GSN: variants seen among roughly 807,000 people sequenced by gnomAD.
GSN encodes the protein actin-depolymerizing factor.
Under a neutral mutation model 85.7 loss-of-function variants are expected in GSN, and 56 were observed. The ratio of observed to expected loss-of-function variants is 0.65; its 90% confidence interval spans 0.53 to 0.82. GSN has a LOEUF of 0.82. Among genes scored for constraint, GSN ranks in the 40% least tolerant of loss-of-function variants. GSN has a pLI of 0.00. For synonymous variants in GSN, 373 were observed against 399.1 expected (o/e 0.93, Z 0.78); for missense variants, 857 against 979.8 (o/e 0.87, Z 1.67).
intron 5 of GSN, 80 bp from the exon 6 acceptor site, chr9:121,312,259 C>A: frequency 1.3e-6 from 2 of 1,509,190 alleles, no homozygotes; most frequent in Non-Finnish European, 9.2e-7. Context: ...GCACACCACA[C>A]GCCACACTCC....
At chr9:121,250,836 C>A (rs1012769980) in intron 6 of GSN, among the ~76,000 whole-genome samples, 12 of 149,642 alleles carry the variant, frequency 8.0e-5, no homozygotes, top group African/African-American at 2.9e-4. Flanking sequence ...CATGCCCCTC[C>A]AATCCTTCCC....
intron 2 of GSN, among the ~76,000 whole-genome samples, chr9:121,300,996 C>A (rs538159099): frequency 4.9e-4 from 74 of 152,338 alleles, no homozygotes; most frequent in African/African-American, 1.6e-3. Context: ...GGAAATCTTT[C>A]CACTTCCAAA....
chr9:121,277,993 C>T (rs945887064), intron 1 of GSN, among the ~76,000 whole-genome samples: 2 of 151,036 alleles, frequency 1.3e-5, no homozygotes, highest in Non-Finnish European at 2.9e-5. Context: ...ACGGTCTGGC[C>T]CTTTTACAGA....
intron 4 of GSN, among the ~76,000 whole-genome samples, chr9:121,217,111 G>A (rs1214468761): frequency 6.6e-6 from 1 of 152,106 alleles, no homozygotes; most frequent in Non-Finnish European, 1.5e-5. Flanking sequence ...TATAATCCCA[G>A]CACTTTGTGA....
intron 2 of GSN, chr9:121,282,776 A>C: frequency 2.5e-6 from 1 of 401,752 alleles, no homozygotes; most frequent in Non-Finnish European, 4.6e-6. Context: ...CCAAAAGCCA[A>C]GTTGCCTCAA....
At position 121,312,384 on chromosome 9, in the gene GSN, CTG is replaced by C; in HGVS notation, c.560_561del (p.Leu187GlnfsTer24). On this transcript the variant is annotated frameshift_variant, in exon 6 of 18. Transcript: ENST00000432226. LOFTEE classifies it high-confidence loss of function. ...CGSNSNRYER[L>X]KATQVSKGIR... ...TTCCAACAGCAATCGGTATGAAAGACTGAAGGCCACACAGGTGTCCAAGGGCA... is the reference window on the plus strand; with the variant it reads ...TTCCAACAGCAATCGGTATGAAAGACAAGGCCACACAGGTGTCCAAGGGCA... 6.2e-7 allele frequency: 1 copy of C among 1,614,130 alleles called. No individual in the cohort carries two copies. Among genetic ancestry groups the C allele is most frequent in the Non-Finnish European group, 8.5e-7 (1 of 1,179,972 alleles).
chr9:121,204,281 T>G (rs2053848921), upstream of GSN, among the ~76,000 whole-genome samples: 1 of 152,198 alleles, frequency 6.6e-6, no homozygotes, highest in Non-Finnish European at 1.5e-5. Flanking sequence ...GAAAATTGGG[T>G]GGGACTTAAA....
intron 1 of GSN, chr9:121,280,445 GGAGA>G (rs2132569007): frequency 6.6e-6 from 1 of 152,320 alleles, no homozygotes; most frequent in South Asian, 2.1e-4. Context: ...CAGCCTAGAG[GGAGA>G]GAAAGTCCTA....
chr9:121,326,937 C>T (rs1003217544), intron 13 of GSN: 5 of 683,682 alleles, frequency 7.3e-6, no homozygotes, highest in South Asian at 1.6e-5. Context: ...AATCAGCATG[C>T]CATTCCTGAT....
chr9:121,326,894 A>G lies in GSN; in HGVS notation c.1587+212A>G, dbSNP rs145385246. 1,284 of 727,944 alleles carry G rather than the reference A, an allele frequency of 1.8e-3. 6 individuals are homozygous for G. The highest frequency in any genetic ancestry group is 5.1e-3 in the South Asian group (346 of 68,020). 45.1% of individuals were successfully genotyped at this position (727,944 alleles called of 1,614,324 possible). A position where few individuals can be genotyped will look rare whatever the true frequency, so the allele number is the denominator to read the frequency against. ...ACCCAGTGTCCCTTGCACACTTTGC[A>G]CAGTGGACAGCTCACTACCTACCAT... On this transcript the variant is annotated intron_variant, in intron 13 of 17. Coordinates refer to ENST00000432226, the MANE Select transcript of GSN (RefSeq NM_198252.3).
At position 121,302,947 on chromosome 9, in the gene GSN, C is replaced by T. The variant is rs1588966254; in HGVS notation, c.233C>T (p.Ala78Val). Residue 78 changes from alanine to valine, a missense_variant, in exon 4 of 18, where the codon GCC becomes GTC. Physicochemically the swap from Ala to Val is moderately conservative, Grantham distance 64. Transcript: ENST00000432226. ...ECSQDESGAA[A>V]IFTVQLDDYL... ...AGCCAGGATGAGAGCGGGGCGGCCG[C>T]CATCTTTACCGTGCAGCTGGATGAC... 6.2e-7 allele frequency: 1 copy of T among 1,613,902 alleles called. No individual in the cohort carries two copies. Among genetic ancestry groups the T allele is most frequent in the African/African-American group, 1.3e-5 (1 of 74,946 alleles).
At chr9:121,262,260 T>C (rs2132280780) in intron 6 of GSN, among the ~76,000 whole-genome samples, 1 of 152,328 alleles carries the variant, frequency 6.6e-6, no homozygotes, top group East Asian at 1.9e-4. Flanking sequence ...AGAAAGAATC[T>C]GGGCTTTGGA....
chr9:121,202,766 G>A, the GSN span, among the ~76,000 whole-genome samples: 104 of 152,172 alleles, frequency 6.8e-4, 1 homozygote, highest in African/African-American at 1.5e-3. Flanking sequence ...TAAACATGAC[G>A]TATCAATATT....
At position 121,300,084 on chromosome 9, in the gene GSN, G is replaced by T. The variant is rs533132367; in HGVS notation, c.-9-1879G>T. Reference sequence around the variant, plus strand: ...TTGCAGATACAGCGCTAGGAAAAGGGGAGTAATTCAGGTCTAGAATGGAAA... The same window carrying T: ...TTGCAGATACAGCGCTAGGAAAAGGTGAGTAATTCAGGTCTAGAATGGAAA... On this transcript the variant is annotated intron_variant, in intron 2 of 17. Transcript: ENST00000432226. The T allele has an allele frequency of 3.7e-6, 6 of 1,611,528 alleles. No homozygotes were observed. In the South Asian group the frequency reaches 6.6e-5, roughly 18 times the overall value.
chr9:121,331,508 G>A (rs1360409900), intron 17 of GSN, 60 bp downstream of exon 17: 1 of 985,200 alleles, frequency 1.0e-6, no homozygotes, highest in Non-Finnish European at 1.6e-6. Flanking sequence ...GGTGCTGGGA[G>A]TGGCTCCTGT....
At chr9:121,282,144 C>T in intron 2 of GSN, 1 of 480,432 alleles carries the variant, frequency 2.1e-6, no homozygotes. Flanking sequence ...GGGAGGAGTG[C>T]AGAGTCCTGG....
At chr9:121,292,804 T>C (rs879551773) in intron 2 of GSN, among the ~76,000 whole-genome samples, 2 of 152,180 alleles carry the variant, frequency 1.3e-5, no homozygotes, top group Admixed American at 6.5e-5. Flanking sequence ...CTGGATCCCA[T>C]TGTCTTTTCC....
intron 5 of GSN, among the ~76,000 whole-genome samples, chr9:121,246,112 C>T (rs909715582): frequency 3.9e-5 from 6 of 152,094 alleles, no homozygotes; most frequent in African/African-American, 1.4e-4. Context: ...TCAAAATTAT[C>T]TGAGGGCAGG....
intron 5 of GSN, among the ~76,000 whole-genome samples, chr9:121,235,079 C>A: frequency 6.6e-6 from 1 of 152,146 alleles, no homozygotes; most frequent in African/African-American, 2.4e-5. Flanking sequence ...CCCCAGATAT[C>A]ACCATCCTTT....
Sources: gnomAD v4.1 joint callset for allele counts (sites outside exome capture counted in the v4.1 genomes callset) on GRCh38, gnomAD v4.1.1 for gene constraint, MANE v1.5 for transcripts, NCBI Gene and HGNC (gene_info 2026-07-23, HGNC 2026-07-21) for gene names.